COP1: variants seen among roughly 807,000 people sequenced by gnomAD.
COP1 encodes COP1 E3 ubiquitin ligase.
Under a neutral mutation model 101.3 loss-of-function variants are expected in COP1, and 24 were observed. The observed-to-expected ratio is 0.24, with a 90% CI of 0.17 to 0.33. The LOEUF (loss-of-function observed/expected upper bound fraction) is 0.33, where lower values mean the gene tolerates loss of function less well. Among genes scored for constraint, COP1 ranks in the 10% least tolerant of loss-of-function variants. The pLI is 1.00. For missense variants in COP1, 663 were observed against 906.2 expected (o/e 0.73, Z 3.45); for synonymous variants, 347 against 341.9 (o/e 1.01, Z -0.17).
intron 15 of COP1, among the ~76,000 whole-genome samples, chr1:176,000,263 C>G (rs568801337): frequency 2.6e-5 from 4 of 152,112 alleles, no homozygotes; most frequent in Non-Finnish European, 4.4e-5. Flanking sequence ...TCCATTGTGA[C>G]TTGATTTTCA....
intron 11 of COP1, 144 bp downstream of exon 11, chr1:176,081,008 G>T: frequency 1.4e-6 from 1 of 693,286 alleles, no homozygotes; most frequent in Non-Finnish European, 2.4e-6. Flanking sequence ...AGAAGCTCAG[G>T]AACTTGCCTA....
chr1:176,024,794 A>T (rs1410125671), intron 15 of COP1, among the ~76,000 whole-genome samples: 1 of 152,214 alleles, frequency 6.6e-6, no homozygotes. Context: ...ACTATTAACA[A>T]AACAATCAAA....
chr1:176,092,630 TA>T, intron 9 of COP1, among the ~76,000 whole-genome samples: 1 of 151,940 alleles, frequency 6.6e-6, no homozygotes, highest in Non-Finnish European at 1.5e-5. Flanking sequence ...GGCAGGAAAA[TA>T]AAAATTAAAG....
intron 9 of COP1, among the ~76,000 whole-genome samples, chr1:176,100,823 C>T (rs1222182030): frequency 6.6e-6 from 1 of 152,090 alleles, no homozygotes; most frequent in Admixed American, 6.5e-5. Flanking sequence ...ACAGCTTCAC[C>T]ATAGCATTCA....
At chr1:175,972,552 C>A (rs941443563) in intron 18 of COP1, among the ~76,000 whole-genome samples, 15 of 148,760 alleles carry the variant, frequency 1.0e-4, no homozygotes, top group African/African-American at 3.7e-4. Flanking sequence ...GCAACTGCCA[C>A]CTCCCGGGTT....
intron 15 of COP1, among the ~76,000 whole-genome samples, chr1:176,008,020 A>G (rs1663792413): frequency 6.6e-6 from 1 of 151,740 alleles, no homozygotes; most frequent in South Asian, 2.1e-4. Context: ...GGACCCTCGG[A>G]GCCAGGTGCG....
At chr1:176,058,782 CT>C (rs1674319449) in intron 11 of COP1, among the ~76,000 whole-genome samples, 1 of 151,922 alleles carries the variant, frequency 6.6e-6, no homozygotes, top group South Asian at 2.1e-4. Context: ...AGAATGTGAC[CT>C]CTTATCAGAT....
At chr1:176,021,637 A>G (rs1666767567) in intron 15 of COP1, among the ~76,000 whole-genome samples, 1 of 152,214 alleles carries the variant, frequency 6.6e-6, no homozygotes, top group African/African-American at 2.4e-5. Context: ...ATTTATCTCA[A>G]AAATCTGGGA....
intron 15 of COP1, among the ~76,000 whole-genome samples, chr1:176,019,515 C>T (rs1666333203): frequency 6.9e-6 from 1 of 145,626 alleles, no homozygotes; most frequent in Non-Finnish European, 1.5e-5. Context: ...TAACCATCAT[C>T]ATCATCATCA....
intron 18 of COP1, among the ~76,000 whole-genome samples, chr1:175,947,769 A>G (rs1016059350): frequency 3.9e-5 from 6 of 152,262 alleles, no homozygotes; most frequent in African/African-American, 1.4e-4. Flanking sequence ...GAAGCAGAGT[A>G]GGACACTTTT....
intron 14 of COP1, among the ~76,000 whole-genome samples, chr1:176,028,727 A>ATATATATATATATATATG (rs5778886): frequency 1.8e-5 from 2 of 111,750 alleles, no homozygotes; most frequent in East Asian, 2.9e-4. Flanking sequence ...ATATATATAT[A>ATATATATATATATATATG]GTTTTATATA....
chr1:176,133,484 T>C (rs1250380510), intron 8 of COP1, among the ~76,000 whole-genome samples: 2 of 151,930 alleles, frequency 1.3e-5, no homozygotes, highest in African/African-American at 4.8e-5. Flanking sequence ...GACTGTATTG[T>C]ATGTTATATA....
intron 18 of COP1, among the ~76,000 whole-genome samples, chr1:175,973,398 C>T (rs944965874): frequency 1.3e-5 from 2 of 152,102 alleles, no homozygotes; most frequent in Admixed American, 6.5e-5. Context: ...TATTTTTAAA[C>T]CAGCCCATGA....
At chr1:175,980,615 C>T (rs1202382564) in intron 18 of COP1, among the ~76,000 whole-genome samples, 2 of 151,912 alleles carry the variant, frequency 1.3e-5, no homozygotes, top group African/African-American at 4.8e-5. Context: ...CCTAAAGCTA[C>T]AGAAACTTTT....
intron 8 of COP1, among the ~76,000 whole-genome samples, chr1:176,130,750 A>G (rs1007509025): frequency 6.2e-4 from 94 of 151,924 alleles, no homozygotes; most frequent in African/African-American, 2.2e-3. Context: ...TCCTTATTAT[A>G]TATAAATACA....
chr1:176,050,674 T>C (rs564737660), intron 11 of COP1, among the ~76,000 whole-genome samples: 1 of 152,348 alleles, frequency 6.6e-6, no homozygotes, highest in East Asian at 1.9e-4. Flanking sequence ...AGAATTGATG[T>C]TACTCAACTT....
intron 9 of COP1, among the ~76,000 whole-genome samples, chr1:176,112,125 G>A (rs907835323): frequency 6.6e-6 from 1 of 151,802 alleles, no homozygotes; most frequent in African/African-American, 2.4e-5. Context: ...TTTCTTGTGG[G>A]AGGGGATGAG....
At chr1:176,107,641 C>T (rs1417400781) in intron 9 of COP1, among the ~76,000 whole-genome samples, 1 of 152,102 alleles carries the variant, frequency 6.6e-6, no homozygotes, top group Non-Finnish European at 1.5e-5. Context: ...GGACAACTAA[C>T]ACATTAACAA....
At chr1:176,095,597 G>GC (rs1374526058) in intron 9 of COP1, among the ~76,000 whole-genome samples, 1 of 151,958 alleles carries the variant, frequency 6.6e-6, no homozygotes, top group Non-Finnish European at 1.5e-5. Context: ...TAAGAGGATG[G>GC]CTTGAGCCCA....
Sources: gnomAD v4.1 joint callset for allele counts (sites outside exome capture counted in the v4.1 genomes callset) on GRCh38, gnomAD v4.1.1 for gene constraint, MANE v1.5 for transcripts, NCBI Gene and HGNC (gene_info 2026-07-23, HGNC 2026-07-21) for gene names.